Variants in GRM8 observed in about 807,000 individuals in gnomAD.
GRM8 encodes the protein metabotropic glutamate receptor 8.
Under a neutral mutation model 87.2 loss-of-function variants are expected in GRM8, and 47 were observed. The ratio of observed to expected loss-of-function variants is 0.54; its 90% confidence interval spans 0.43 to 0.69. GRM8 has a LOEUF of 0.69. GRM8 is among the 30% of genes least tolerant of loss of function. The pLI is 0.00. For missense variants in GRM8, 1,019 were observed against 1,139.2 expected, an observed-to-expected ratio of 0.89 and a Z score of 1.52; for synonymous variants, 396 against 404.5, an observed-to-expected ratio of 0.98 and a Z score of 0.25.
At chr7:127,181,720 A>G (rs1794448435) in intron 2 of GRM8, among the ~76,000 whole-genome samples, 1 of 152,110 alleles carries the variant, frequency 6.6e-6, no homozygotes, top group South Asian at 2.1e-4. Context: ...ATCTTCAACA[A>G]AGTAAACAAA....
intron 7 of GRM8, among the ~76,000 whole-genome samples, chr7:126,613,146 A>G (rs1294120477): frequency 3.9e-5 from 6 of 152,216 alleles, no homozygotes; most frequent in Admixed American, 3.9e-4. Context: ...ACTCTGGTCA[A>G]TGTAGAAAGA....
Position 127,067,559 on chromosome 7 carries a change from G to T in GRM8, c.727+38937C>A, listed in dbSNP as rs188728712. On this transcript the variant is annotated intron_variant, in intron 3 of 10. Coordinates refer to ENST00000339582, the MANE Select transcript of GRM8 (RefSeq NM_000845.3). ...ATCTGGAACAGTCTTTACTAGGTTT[G>T]TCTGTTTCTCTCTCTGAGACTGCCT... 3.3e-5 allele frequency among the ~76,000 whole-genome samples: 5 copies of T among 152,268 alleles called. No homozygotes were observed. The East Asian group carries it at 7.7e-4, about 24-fold the overall frequency.
chr7:127,004,533 T>C (rs1192694037), intron 3 of GRM8, among the ~76,000 whole-genome samples: 1 of 151,678 alleles, frequency 6.6e-6, no homozygotes, highest in Non-Finnish European at 1.5e-5. Context: ...GCTTCACCGA[T>C]ATTGAGGTAA....
chr7:127,181,946 T>A (rs954140743), intron 2 of GRM8, among the ~76,000 whole-genome samples: 12 of 152,090 alleles, frequency 7.9e-5, no homozygotes, highest in African/African-American at 2.4e-4. Flanking sequence ...AAGGATTTCA[T>A]GACCAAGAAC....
At chr7:126,728,821 C>T (rs564777367) in intron 7 of GRM8, among the ~76,000 whole-genome samples, 1 of 152,112 alleles carries the variant, frequency 6.6e-6, no homozygotes, top group Non-Finnish European at 1.5e-5. Flanking sequence ...GAGGTGCTCC[C>T]AGCTGCCTGC....
At chr7:126,528,938 T>A (rs2086368968) in intron 9 of GRM8, among the ~76,000 whole-genome samples, 1 of 152,160 alleles carries the variant, frequency 6.6e-6, no homozygotes, top group Non-Finnish European at 1.5e-5. Context: ...ACCCCTACAC[T>A]CTTCTGCCCC....
chr7:126,593,779 G>A (rs1796908353), intron 8 of GRM8, among the ~76,000 whole-genome samples: 1 of 151,972 alleles, frequency 6.6e-6, no homozygotes, highest in Non-Finnish European at 1.5e-5. Flanking sequence ...CTTCTGCACA[G>A]TAAAGGAAAC....
At chr7:126,971,874 ATT>A (rs993750721) in intron 3 of GRM8, among the ~76,000 whole-genome samples, 1 of 152,188 alleles carries the variant, frequency 6.6e-6, no homozygotes, top group Non-Finnish European at 1.5e-5. Context: ...ATCAGGTAAC[ATT>A]TTGAAATTCA....
rs1054156896 is a variant in GRM8 at position 126,452,295 on chromosome 7, G to A, written c.2431-5923C>T. The stretch of plus-strand genomic sequence containing the variant: ...CCCAGGGCCTGTTGTGGGGTGGGGG[G>A]AGGGGGGAGGGATAGCATTAGGAGA... On this transcript the variant is annotated intron_variant, in intron 9 of 10. Coordinates refer to ENST00000339582, the MANE Select transcript of GRM8 (RefSeq NM_000845.3). 1.6e-5 allele frequency among the ~76,000 whole-genome samples: 2 copies of A among 124,934 alleles called. 1 individual carries two copies. Among genetic ancestry groups the A allele is most frequent in the African/African-American group, 5.8e-5 (2 of 34,192 alleles). 82.0% of individuals were successfully genotyped at this position (124,934 alleles called of 152,430 possible).
chr7:127,250,648 A>T (rs1465731429), intron 1 of GRM8, among the ~76,000 whole-genome samples: 2 of 152,238 alleles, frequency 1.3e-5, no homozygotes, highest in African/African-American at 4.8e-5. Flanking sequence ...TTATCAAGCC[A>T]CACGTTTTCA....
At chr7:126,484,050 G>T (rs1315786381) in intron 9 of GRM8, among the ~76,000 whole-genome samples, 1 of 151,994 alleles carries the variant, frequency 6.6e-6, no homozygotes, top group African/African-American at 2.4e-5. Flanking sequence ...CCTATCAGAA[G>T]GCCTCAATTT....
At chr7:126,939,864 T>G (rs1008010139) in intron 3 of GRM8, among the ~76,000 whole-genome samples, 1 of 152,248 alleles carries the variant, frequency 6.6e-6, no homozygotes, top group African/African-American at 2.4e-5. Context: ...AGTGTCACAT[T>G]CTGTTCAACT....
At chr7:126,617,416 T>A (rs1394560267) in intron 7 of GRM8, among the ~76,000 whole-genome samples, 1 of 152,156 alleles carries the variant, frequency 6.6e-6, no homozygotes. Context: ...CCACAGCCAA[T>A]ATCATACTGA....
At chr7:126,527,770 T>A (rs900764208) in intron 9 of GRM8, among the ~76,000 whole-genome samples, 2 of 152,200 alleles carry the variant, frequency 1.3e-5, no homozygotes, top group African/African-American at 4.8e-5. Context: ...TATTGTCTGT[T>A]AAATATTTGA....
At chr7:127,166,693 A>G (rs1198883247) in intron 2 of GRM8, among the ~76,000 whole-genome samples, 2 of 152,182 alleles carry the variant, frequency 1.3e-5, no homozygotes, top group African/African-American at 4.8e-5. Flanking sequence ...CAAAAACTCA[A>G]TCTCATCTCA....
intron 6 of GRM8, among the ~76,000 whole-genome samples, chr7:126,775,491 T>TG (rs1563176369): frequency 4.7e-5 from 7 of 149,212 alleles, no homozygotes; most frequent in African/African-American, 1.7e-4. Context: ...TTTTTTTTTT[T>TG]TTTTTTTTTT....
At chr7:126,624,314 A>G (rs144126228) in intron 7 of GRM8, among the ~76,000 whole-genome samples, 46 of 152,222 alleles carry the variant, frequency 3.0e-4, no homozygotes, top group African/African-American at 8.9e-4. Flanking sequence ...TTGCAAGCAC[A>G]TGAAGGTTGC....
intron 6 of GRM8, among the ~76,000 whole-genome samples, chr7:126,853,693 G>A (rs1336721338): frequency 1.3e-5 from 2 of 152,180 alleles, no homozygotes; most frequent in Non-Finnish European, 2.9e-5. Context: ...GCAGTACCTG[G>A]AACCTAAGGC....
intron 10 of GRM8, among the ~76,000 whole-genome samples, chr7:126,442,105 C>A (rs766973132): frequency 6.6e-6 from 1 of 151,926 alleles, no homozygotes; most frequent in African/African-American, 2.4e-5. Context: ...CAGAATAGAT[C>A]GGGATGGAAC....
Sources: gnomAD v4.1 joint callset for allele counts (sites outside exome capture counted in the v4.1 genomes callset) on GRCh38, gnomAD v4.1.1 for gene constraint, MANE v1.5 for transcripts, NCBI Gene and HGNC (gene_info 2026-07-23, HGNC 2026-07-21) for gene names.